Variants in FILIP1 observed in about 807,000 individuals in gnomAD.
FILIP1 encodes the protein filamin A interacting protein 1.
A neutral mutation model predicts 102.1 loss-of-function variants in FILIP1; 61 were observed. The observed-to-expected ratio is 0.60, with a 90% CI of 0.49 to 0.74. FILIP1 has a LOEUF of 0.74. Ranked by LOEUF, FILIP1 falls within the 30% of genes least tolerant of loss-of-function variation. The probability of loss-of-function intolerance (pLI) is 0.00; values close to 1 mark genes in which losing one functional copy is unlikely to be tolerated. For synonymous variants in FILIP1, 491 were observed against 526.9 expected (o/e 0.93, Z 0.93); for missense variants, 1,314 against 1,441.2 (o/e 0.91, Z 1.43).
At chr6:75,355,735 C>T (rs1774972028) in intron 3 of FILIP1, among the ~76,000 whole-genome samples, 1 of 152,154 alleles carries the variant, frequency 6.6e-6, no homozygotes, top group African/African-American at 2.4e-5. Flanking sequence ...AGAGATCATG[C>T]CTTGATCACC....
chr6:75,340,292 T>G (rs772476268), intron 4 of FILIP1, among the ~76,000 whole-genome samples: 1 of 152,206 alleles, frequency 6.6e-6, no homozygotes, highest in Non-Finnish European at 1.5e-5. Flanking sequence ...CTAAATTTTC[T>G]TCTGACGCAA....
At chr6:75,331,017 A>G (rs1774061697) in intron 4 of FILIP1, among the ~76,000 whole-genome samples, 1 of 152,182 alleles carries the variant, frequency 6.6e-6, no homozygotes, top group Admixed American at 6.5e-5. Context: ...CTAATAACAA[A>G]TTATACGTCT....
intron 4 of FILIP1, among the ~76,000 whole-genome samples, chr6:75,333,945 C>T (rs1342026354): frequency 1.3e-5 from 2 of 151,930 alleles, no homozygotes; most frequent in African/African-American, 4.9e-5. Context: ...GTTATCACAG[C>T]CACACTGAGT....
chr6:75,390,256 A>G (rs1325368524), intron 2 of FILIP1, among the ~76,000 whole-genome samples: 6 of 152,210 alleles, frequency 3.9e-5, no homozygotes, highest in African/African-American at 1.4e-4. Flanking sequence ...CACTGCTTCC[A>G]AATAATTCTC....
At position 75,385,650 on chromosome 6, in the gene FILIP1, A is replaced by G. The variant is rs558398404; in HGVS notation, c.277-22733T>C. 3.3e-5 allele frequency: 5 copies of G among 152,260 alleles called. No individual in the cohort carries two copies. In the South Asian group the frequency reaches 1.0e-3, roughly 32 times the overall value. The allele number at this position is 152,260 out of a possible 1,614,324, so 9.4% of individuals were successfully genotyped here. A position where few individuals can be genotyped will look rare whatever the true frequency, so the allele number is the denominator to read the frequency against. The stretch of plus-strand genomic sequence containing the variant: ...ATTATTTATATCATGCCTTCTTTCC[A>G]TATGCAGATCCTGAAGTCAACCAGG... On this transcript the variant is annotated intron_variant, in intron 2 of 5. Coordinates refer to ENST00000237172, the MANE Select transcript of FILIP1 (RefSeq NM_015687.5).
At chr6:75,302,862 A>ATATGG (rs1554197446) in intron 6 of FILIP1, among the ~76,000 whole-genome samples, 2 of 139,634 alleles carry the variant, frequency 1.4e-5, no homozygotes, top group African/African-American at 5.3e-5. Flanking sequence ...ATATGATATG[A>ATATGG]TGTATGATAT....
At chr6:75,476,552 G>T (rs564507858) in intron 1 of FILIP1, among the ~76,000 whole-genome samples, 1 of 152,220 alleles carries the variant, frequency 6.6e-6, no homozygotes, top group South Asian at 2.1e-4. Flanking sequence ...ATCTTTTCAG[G>T]AATATTTCAT....
chr6:75,336,612 G>A (rs1271909008), intron 4 of FILIP1, among the ~76,000 whole-genome samples: 1 of 152,106 alleles, frequency 6.6e-6, no homozygotes, highest in Non-Finnish European at 1.5e-5. Flanking sequence ...TATAGTCCTG[G>A]GGAGGCATTG....
intron 5 of FILIP1, 75 bp from the exon 6 acceptor site, chr6:75,308,972 T>A: frequency 6.6e-7 from 1 of 1,507,974 alleles, no homozygotes; most frequent in Non-Finnish European, 9.1e-7. Context: ...AATCTGAACA[T>A]TAGTGGGACT....
intron 4 of FILIP1, among the ~76,000 whole-genome samples, chr6:75,336,171 C>G (rs1433277463): frequency 6.6e-6 from 1 of 152,120 alleles, no homozygotes; most frequent in Non-Finnish European, 1.5e-5. Context: ...TTGCCACTGC[C>G]TGGCAAGGCT....
intron 2 of FILIP1, among the ~76,000 whole-genome samples, chr6:75,397,741 G>C (rs528463159): frequency 6.6e-6 from 1 of 152,160 alleles, no homozygotes; most frequent in Non-Finnish European, 1.5e-5. Flanking sequence ...TGTGTTTTGA[G>C]CCTGTGAGAC....
chr6:75,399,409 T>G (rs1776577707), intron 2 of FILIP1: 1 of 152,238 alleles, frequency 6.6e-6, no homozygotes, highest in African/African-American at 2.4e-5. Context: ...AGTTTGCTCC[T>G]CAACTTGGAC....
downstream of FILIP1, among the ~76,000 whole-genome samples, chr6:75,305,230 C>T (rs190947590): frequency 9.0e-3 from 1,365 of 152,302 alleles, 15 homozygotes; most frequent in Non-Finnish European, 0.013. Flanking sequence ...TCTCAGCCCT[C>T]CAGCCTCCAA....
intron 2 of FILIP1, among the ~76,000 whole-genome samples, chr6:75,400,259 C>G (rs1776607165): frequency 6.6e-6 from 1 of 152,112 alleles, no homozygotes; most frequent in Non-Finnish European, 1.5e-5. Flanking sequence ...AAAAATTGAA[C>G]TGGAAATATG....
chr6:75,381,023 CTT>C (rs1327355757), intron 2 of FILIP1, among the ~76,000 whole-genome samples: 1 of 152,056 alleles, frequency 6.6e-6, no homozygotes, highest in Non-Finnish European at 1.5e-5. Flanking sequence ...GTATTGCTCT[CTT>C]TTGAAACTTT....
At chr6:75,462,125 C>G (rs944457266) in intron 1 of FILIP1, among the ~76,000 whole-genome samples, 1 of 152,198 alleles carries the variant, frequency 6.6e-6, no homozygotes, top group African/African-American at 2.4e-5. Flanking sequence ...CTTTCTTCCC[C>G]TACCAACTAT....
In FILIP1 at chr6:75,473,751, G is replaced by A. The variant is rs574524115; in HGVS notation, c.-7+19663C>T. ...AAAACTTTTTTTAAGGGGAAAGCACGAACGCAGACCCCCACTACCACAAAT... is the reference window on the plus strand; with the variant it reads ...AAAACTTTTTTTAAGGGGAAAGCACAAACGCAGACCCCCACTACCACAAAT... On this transcript the variant is annotated intron_variant, in intron 1 of 5. Transcript: ENST00000237172. The A allele has an allele frequency of 2.6e-5, 4 of 152,198 alleles. No individual in the cohort carries two copies. The East Asian group carries it at 5.8e-4, about 22-fold the overall frequency. 9.4% of individuals were successfully genotyped at this position (152,198 alleles called of 1,614,324 possible).
intron 2 of FILIP1, among the ~76,000 whole-genome samples, chr6:75,398,582 C>T (rs1057289674): frequency 1.3e-5 from 2 of 152,044 alleles, no homozygotes; most frequent in African/African-American, 4.8e-5. Context: ...TCAAGAGTGT[C>T]CCTGAAACTG....
At chr6:75,398,314 T>C (rs371689011) in intron 2 of FILIP1, among the ~76,000 whole-genome samples, 39 of 152,280 alleles carry the variant, frequency 2.6e-4, no homozygotes, top group African/African-American at 8.7e-4. Flanking sequence ...GACATAGTAA[T>C]TATGAGGTCG....
Sources: gnomAD v4.1 joint callset for allele counts (sites outside exome capture counted in the v4.1 genomes callset) on GRCh38, gnomAD v4.1.1 for gene constraint, MANE v1.5 for transcripts, NCBI Gene and HGNC (gene_info 2026-07-23, HGNC 2026-07-21) for gene names.